The following TANGO6 variants were observed in gnomAD, a reference collection of about 807,000 sequenced individuals.
The protein encoded by TANGO6 is transport and golgi organization 6 homolog, also known as transport and Golgi organization protein 6 homolog.
TANGO6 carries 90 observed loss-of-function variants against 114.2 expected under a neutral mutation model. That is an observed-to-expected ratio of 0.79 (90% CI 0.66 to 0.94). The LOEUF (loss-of-function observed/expected upper bound fraction) is 0.94, where lower values mean the gene tolerates loss of function less well. TANGO6 is among the 40% of genes least tolerant of loss of function. The pLI, the probability that TANGO6 is intolerant of heterozygous loss-of-function variation, is 0.00. For missense variants in TANGO6, 1,274 were observed against 1,315.3 expected (o/e 0.97, Z 0.49); for synonymous variants, 477 against 509.8 (o/e 0.94, Z 0.87).
chr16:68,869,093 C>CT (rs1172199102), intron 4 of TANGO6, among the ~76,000 whole-genome samples: 4 of 151,958 alleles, frequency 2.6e-5, no homozygotes, highest in African/African-American at 4.8e-5. Flanking sequence ...TGGAGTTAAT[C>CT]TTTTTTTTGT....
chr16:69,076,011 C>A (rs1960371472), intron 17 of TANGO6, among the ~76,000 whole-genome samples: 1 of 149,902 alleles, frequency 6.7e-6, no homozygotes, highest in Non-Finnish European at 1.5e-5. Context: ...GATCTTCCCA[C>A]CTCGCCCTCC....
chr16:68,916,447 G>A (rs569124859), intron 11 of TANGO6, among the ~76,000 whole-genome samples: 94 of 143,996 alleles, frequency 6.5e-4, no homozygotes, highest in Admixed American at 4.2e-4. Context: ...ACCATTCCCC[G>A]CCCCTCTCCC....
rs143946135 is a variant in TANGO6 at position 68,989,786 on chromosome 16, A to G, written c.2842+15618A>G. Among the ~76,000 whole-genome samples, 595 of 152,326 alleles carry G rather than the reference A, an allele frequency of 3.9e-3. 4 individuals are homozygous for G. Among genetic ancestry groups the G allele is most frequent in the Non-Finnish European group, 6.4e-3 (438 of 68,028 alleles). The stretch of plus-strand genomic sequence containing the variant: ...GCAATTAACGTAGGCTGAAATGGCA[A>G]ACTTTGTCATGCCTGTGGTGGGCAG... On this transcript the variant is annotated intron_variant, in intron 15 of 17. Coordinates refer to ENST00000261778, the MANE Select transcript of TANGO6 (RefSeq NM_024562.2).
At chr16:68,959,679 CAG>C (rs1420201155) in intron 14 of TANGO6, among the ~76,000 whole-genome samples, 4 of 152,196 alleles carry the variant, frequency 2.6e-5, no homozygotes, top group African/African-American at 9.6e-5. Flanking sequence ...GCTGGTGCCC[CAG>C]ACACAGGGCA....
chr16:69,077,006 CAAAA>C (rs1567571756), intron 17 of TANGO6, among the ~76,000 whole-genome samples: 1 of 151,802 alleles, frequency 6.6e-6, no homozygotes, highest in Non-Finnish European at 1.5e-5. Context: ...CAAAACAAAA[CAAAA>C]CACACACACA....
At chr16:68,955,409 C>CT (rs1379532952) in intron 14 of TANGO6, among the ~76,000 whole-genome samples, 1 of 152,156 alleles carries the variant, frequency 6.6e-6, no homozygotes, top group Non-Finnish European at 1.5e-5. Context: ...CCATTCATAA[C>CT]AGGGGACATA....
chr16:68,866,593 G>T (rs1286324359), intron 3 of TANGO6, among the ~76,000 whole-genome samples: 2 of 144,572 alleles, frequency 1.4e-5, no homozygotes, highest in African/African-American at 5.1e-5. Flanking sequence ...ACTGCAGTCC[G>T]CAGTCCGGCC....
At position 68,843,687 on chromosome 16, in the gene TANGO6, T is replaced by G. The variant is rs371218955; in HGVS notation, c.70T>G (p.Leu24Val). The part of the protein sequence containing the change: ...TCGLDRILEA[L>V]KLLLSPGGSG... ...CGGTCTGGATCGGATTTTGGAGGCATTGAAGCTGCTGCTGAGCCCGGGAGG... is the reference window on the plus strand; with the variant it reads ...CGGTCTGGATCGGATTTTGGAGGCAGTGAAGCTGCTGCTGAGCCCGGGAGG... The change falls in exon 1 of 18, where the codon TTG becomes GTG. Residue 24 changes from leucine (L) to valine (V), a missense_variant. Physicochemically the swap from Leu to Val is conservative, Grantham distance 32. Transcript: ENST00000261778. The G allele has an allele frequency of 5.6e-6, 9 of 1,613,526 alleles. No homozygotes were observed. In the South Asian group the frequency reaches 9.9e-5, roughly 18 times the overall value.
intron 7 of TANGO6, among the ~76,000 whole-genome samples, chr16:68,889,840 A>G (rs1289754258): frequency 2.0e-5 from 3 of 152,224 alleles, no homozygotes; most frequent in Non-Finnish European, 4.4e-5. Flanking sequence ...TTCGTGGCAT[A>G]TTGTAGCACA....
At chr16:69,062,674 T>C (rs1477629794) in intron 17 of TANGO6, among the ~76,000 whole-genome samples, 1 of 150,122 alleles carries the variant, frequency 6.7e-6, no homozygotes, top group Non-Finnish European at 1.5e-5. Flanking sequence ...GGTTTCACCA[T>C]GTGGGCGAGG....
intron 15 of TANGO6, among the ~76,000 whole-genome samples, chr16:68,979,690 T>C (rs1963803958): frequency 6.6e-6 from 1 of 152,184 alleles, no homozygotes; most frequent in South Asian, 2.1e-4. Flanking sequence ...GAATGCTATC[T>C]TGTTTTTATT....
chr16:69,004,205 A>G (rs1964069726), intron 15 of TANGO6, among the ~76,000 whole-genome samples: 1 of 152,190 alleles, frequency 6.6e-6, no homozygotes, highest in South Asian at 2.1e-4. Flanking sequence ...ACAATATATA[A>G]CATAATAAAT....
chr16:69,074,079 C>G (rs761689133), intron 17 of TANGO6, among the ~76,000 whole-genome samples: 2 of 152,036 alleles, frequency 1.3e-5, no homozygotes, highest in Non-Finnish European at 2.9e-5. Context: ...CCAGCAGGGA[C>G]CAGGCAGCAT....
chr16:69,002,303 TTA>T (rs912858928), intron 15 of TANGO6, among the ~76,000 whole-genome samples: 1 of 151,668 alleles, frequency 6.6e-6, no homozygotes. Context: ...GCCCTTTAAT[TTA>T]TATATATATA....
At position 68,900,467 on chromosome 16, in the gene TANGO6, T is replaced by C. The variant is rs758200899; in HGVS notation, c.1411T>C (p.Leu471=). Residue 471 remains leucine (L), a synonymous_variant, in exon 8 of 18, where the codon TTG becomes CTG. Transcript: ENST00000261778. ...GGTTGGGAATGAACCTTTAACAGTT[T>C]TGATGGATTCCCTGCTTCCAGTCCT... The part of the protein sequence containing the change: ...YVVGNEPLTV[L]MDSLLPVLGV... 110 of 1,613,900 alleles carry C rather than the reference T, an allele frequency of 6.8e-5. No homozygotes were observed. The highest frequency in any genetic ancestry group is 8.9e-5 in the Non-Finnish European group (105 of 1,179,900).
At chr16:68,907,236 C>T (rs567678141) in intron 9 of TANGO6, among the ~76,000 whole-genome samples, 11 of 151,998 alleles carry the variant, frequency 7.2e-5, no homozygotes, top group East Asian at 5.8e-4. Context: ...CGTGAGCCAC[C>T]GCGCCTGGCC....
At chr16:68,855,826 C>T (rs112685271) in intron 1 of TANGO6, among the ~76,000 whole-genome samples, 4 of 150,022 alleles carry the variant, frequency 2.7e-5, no homozygotes, top group Admixed American at 1.3e-4. Flanking sequence ...TGGAGGTTGC[C>T]GTGAGTTGAG....
intron 16 of TANGO6, among the ~76,000 whole-genome samples, chr16:69,038,990 T>G (rs1959733066): frequency 6.6e-6 from 1 of 152,126 alleles, no homozygotes; most frequent in Admixed American, 6.5e-5. Context: ...GAGACCATCC[T>G]GGCTAACACG....
At chr16:69,021,643 G>T (rs1027805960) in intron 15 of TANGO6, among the ~76,000 whole-genome samples, 3 of 152,018 alleles carry the variant, frequency 2.0e-5, no homozygotes, top group African/African-American at 7.2e-5. Flanking sequence ...AATAATCATA[G>T]TTCTCTTTCT....
Sources: allele counts gnomAD v4.1 joint callset (sites outside exome capture counted in the v4.1 genomes callset), GRCh38; gene constraint gnomAD v4.1.1; transcripts MANE v1.5; gene names NCBI Gene and HGNC (gene_info 2026-07-23, HGNC 2026-07-21).